The following USP28 variants were observed in gnomAD, a reference collection of about 807,000 sequenced individuals.
USP28 encodes the protein ubiquitin specific peptidase 28, also known as ubiquitin carboxyl-terminal hydrolase 28.
In USP28, 113 loss-of-function variants were observed where a neutral mutation model predicts 145.0. That is an observed-to-expected ratio of 0.78 (90% CI 0.67 to 0.91). The LOEUF is 0.91. Among genes scored for constraint, USP28 ranks in the 40% least tolerant of loss-of-function variants. The pLI is 0.00. For synonymous variants in USP28, 447 were observed against 450.9 expected, an observed-to-expected ratio of 0.99 and a Z score of 0.11; for missense variants, 1,201 against 1,289.6, an observed-to-expected ratio of 0.93 and a Z score of 1.05.
intron 1 of USP28, among the ~76,000 whole-genome samples, chr11:113,872,145 T>C (rs1254145230): frequency 2.0e-5 from 3 of 152,238 alleles, no homozygotes; most frequent in Admixed American, 2.0e-4. Flanking sequence ...AAGTACTTGC[T>C]TCATTTTACT....
intron 3 of USP28, among the ~76,000 whole-genome samples, chr11:113,848,365 T>C (rs1199097615): frequency 6.6e-6 from 1 of 152,032 alleles, no homozygotes; most frequent in Admixed American, 6.6e-5. Flanking sequence ...TCAACAATTG[T>C]GTGGGGCAAT....
At chr11:113,819,301 T>C (rs1463131945) in intron 12 of USP28, among the ~76,000 whole-genome samples, 2 of 151,846 alleles carry the variant, frequency 1.3e-5, no homozygotes, top group Non-Finnish European at 2.9e-5. Flanking sequence ...TTAGTAGAGA[T>C]GGGGTTTTGC....
intron 3 of USP28, among the ~76,000 whole-genome samples, chr11:113,849,381 G>A (rs1381521979): frequency 1.3e-5 from 2 of 152,216 alleles, no homozygotes; most frequent in Non-Finnish European, 2.9e-5. Context: ...TGGGATCAAA[G>A]AAGGTAAAAA....
intron 1 of USP28, among the ~76,000 whole-genome samples, chr11:113,867,939 G>A (rs1045614443): frequency 8.5e-5 from 13 of 152,160 alleles, no homozygotes; most frequent in African/African-American, 3.1e-4. Context: ...TAGGGTTAAA[G>A]TGCCTACCAG....
At chr11:113,801,344 G>A (rs1938980206) in intron 24 of USP28, 139 bp downstream of exon 25, 1 of 602,530 alleles carries the variant, frequency 1.7e-6, no homozygotes, top group Non-Finnish European at 2.7e-6. Context: ...TTTCAATAGA[G>A]CAGATCCATT....
intron 12 of USP28, among the ~76,000 whole-genome samples, chr11:113,819,010 C>CA (rs1942189489): frequency 6.6e-6 from 1 of 151,300 alleles, no homozygotes; most frequent in Non-Finnish European, 1.5e-5. Flanking sequence ...AGAATCAGAG[C>CA]AAAAGTGGTT....
exon 25 of USP28, chr11:113,798,073 T>C (rs944946370): frequency 7.7e-6 from 1 of 129,322 alleles, no homozygotes; most frequent in Non-Finnish European, 1.6e-5. Flanking sequence ...CTGGTTTTTT[T>C]TTTTTTTTTT....
exon 6 of USP28, chr11:113,834,262 C>A: frequency 1.2e-6 from 2 of 1,611,340 alleles, no homozygotes; most frequent in African/African-American, 1.3e-5. Context: ...ATGACTTCGA[C>A]AATTTTCAAG....
intron 14 of USP28, 124 bp downstream of exon 14, chr11:113,815,050 T>C (rs1941514031): frequency 1.2e-6 from 1 of 865,398 alleles, no homozygotes; most frequent in African/African-American, 1.7e-5. Flanking sequence ...AGACTCCATC[T>C]CGGCGGGGGG....
chr11:113,862,347 CAAAT>C (rs1465338095), intron 1 of USP28, among the ~76,000 whole-genome samples: 1 of 152,082 alleles, frequency 6.6e-6, no homozygotes, highest in Non-Finnish European at 1.5e-5. Context: ...GACTCTGTCT[CAAAT>C]AAATAAATAA....
intron 1 of USP28, among the ~76,000 whole-genome samples, chr11:113,861,667 AG>A (rs1246351637): frequency 6.6e-6 from 1 of 152,206 alleles, no homozygotes; most frequent in Admixed American, 6.5e-5. Context: ...TCTATTTCCC[AG>A]GGGCTACTAC....
intron 12 of USP28, chr11:113,820,810 G>A (rs559259455): frequency 7.8e-5 from 12 of 153,678 alleles, no homozygotes; most frequent in Non-Finnish European, 1.0e-4. Flanking sequence ...ATTTCTCCTG[G>A]TGCTGCTTCT....
At chr11:113,858,913 C>T (rs1348680010) in intron 1 of USP28, among the ~76,000 whole-genome samples, 1 of 152,172 alleles carries the variant, frequency 6.6e-6, no homozygotes, top group East Asian at 1.9e-4. Context: ...CAGGCCTGTT[C>T]TCTAATTGTT....
chr11:113,807,448 T>C (rs1940202096), intron 18 of USP28, among the ~76,000 whole-genome samples: 1 of 152,092 alleles, frequency 6.6e-6, no homozygotes, highest in Admixed American at 6.5e-5. Flanking sequence ...TTCATTATTG[T>C]TTATGTGCAG....
Position 113,801,502 on chromosome 11 carries a change from G to T in USP28, c.3039C>A (p.Tyr1013Ter). 1 of 1,584,204 alleles carries T rather than the reference G, an allele frequency of 6.3e-7. No individual in the cohort carries two copies. The highest frequency in any genetic ancestry group is 8.6e-7 in the Non-Finnish European group (1 of 1,156,818). ...ATATACCTGCAATATCTTGCCCAAG[G>T]TAAGAGCACCAATGGTTTCTCATGA... Residue 1013 changes from tyrosine (Y) to a stop codon, truncating the protein, a stop_gained, in exon 24 of 25, where the codon TAC becomes TAA. Coordinates refer to ENST00000003302, the Ensembl canonical transcript of USP28. LOFTEE classifies it high-confidence loss of function.
At chr11:113,849,613 G>A (rs1197207063) in intron 3 of USP28, among the ~76,000 whole-genome samples, 2 of 152,132 alleles carry the variant, frequency 1.3e-5, no homozygotes, top group Non-Finnish European at 2.9e-5. Flanking sequence ...AGGACATGTC[G>A]ATGCCAACCA....
At chr11:113,828,876 G>A (rs1379867148) in intron 10 of USP28, 6 of 521,608 alleles carry the variant, frequency 1.2e-5, no homozygotes, top group Non-Finnish European at 7.4e-6. Flanking sequence ...TTTACCCTCC[G>A]AAAATATGGA....
chr11:113,820,763 G>A (rs189050918), intron 12 of USP28: 2 of 152,760 alleles, frequency 1.3e-5, no homozygotes, highest in East Asian at 1.9e-4. Flanking sequence ...TTCCAAAGAT[G>A]TGGAACTAGT....
intron 16 of USP28, among the ~76,000 whole-genome samples, chr11:113,810,428 C>A (rs2135378254): frequency 6.6e-6 from 1 of 152,318 alleles, no homozygotes; most frequent in East Asian, 1.9e-4. Context: ...CATTAATCAG[C>A]CTTTTCACTA....
Sources: gnomAD v4.1 joint callset for allele counts (sites outside exome capture counted in the v4.1 genomes callset) on GRCh38, gnomAD v4.1.1 for gene constraint, MANE v1.5 for transcripts, NCBI Gene and HGNC (gene_info 2026-07-23, HGNC 2026-07-21) for gene names.